CNTNAP4: variants seen among roughly 807,000 people sequenced by gnomAD.
CNTNAP4 encodes contactin associated protein family member 4.
A neutral mutation model predicts 148.4 loss-of-function variants in CNTNAP4; 98 were observed. That is an observed-to-expected ratio of 0.66 (90% CI 0.56 to 0.78). The LOEUF is 0.78. Among genes scored for constraint, CNTNAP4 ranks in the 30% least tolerant of loss-of-function variants. The pLI, the probability that CNTNAP4 is intolerant of heterozygous loss-of-function variation, is 0.00. For synonymous variants in CNTNAP4, 730 were observed against 565.1 expected (o/e 1.29, Z -4.14); for missense variants, 1,935 against 1,565.6 (o/e 1.24, Z -3.98).
rs2083483467 is a variant in CNTNAP4, at chr16:76,522,209, C to A, written c.2707C>A (p.Pro903Thr). ...DQLTPKTQPA[P>T]ADGHVLLQLN... is the part of the protein sequence containing the mutation. ...GCTGACACCAAAGACACAGCCCGCCCCCGCTGATGGGCATGTCCTGTTACA... is the reference window on the plus strand; with the variant it reads ...GCTGACACCAAAGACACAGCCCGCCACCGCTGATGGGCATGTCCTGTTACA... Residue 903 changes from proline to threonine, a missense_variant, in exon 17 of 24, where the codon CCC becomes ACC. Physicochemically the swap from Pro to Thr is conservative, Grantham distance 38. Transcript: ENST00000611870. 6.2e-7 allele frequency: 1 copy of A among 1,613,822 alleles called. No individual in the cohort carries two copies. Among genetic ancestry groups the A allele is most frequent in the African/African-American group, 1.3e-5 (1 of 74,898 alleles).
chr16:76,510,317 A>G (rs890647951), intron 15 of CNTNAP4, among the ~76,000 whole-genome samples: 6 of 152,288 alleles, frequency 3.9e-5, no homozygotes, highest in African/African-American at 1.4e-4. Context: ...GTGTTGTAGA[A>G]TACATCAACG....
chr16:76,535,810 G>A (rs772346372), intron 18 of CNTNAP4, 26 bp downstream of exon 18: 1 of 1,593,192 alleles, frequency 6.3e-7, no homozygotes, highest in Non-Finnish European at 8.6e-7. Flanking sequence ...AAGACTGTAA[G>A]AGGAAAATTT....
At chr16:76,538,434 C>A in intron 19 of CNTNAP4, 94 bp downstream of exon 19, 4 of 957,480 alleles carry the variant, frequency 4.2e-6, no homozygotes, top group Non-Finnish European at 6.4e-6. Flanking sequence ...TCTCAAGCTA[C>A]AAACAGAAAA....
rs367814571 is a variant in CNTNAP4, at chr16:76,494,896, C to A, written c.2081-14C>A. 6.2e-7 allele frequency: 1 copy of A among 1,608,990 alleles called. No individual in the cohort carries two copies. Among genetic ancestry groups the A allele is most frequent in the Non-Finnish European group, 8.5e-7 (1 of 1,177,068 alleles). ...CATAAAACAGATGTCACATTTTTCA[C>A]GTTTTTCTTTCAGATGGAACCCCTC... On this transcript the variant is annotated splice_polypyrimidine_tract_variant and intron_variant, in intron 13 of 23. Transcript: ENST00000611870.
intron 3 of CNTNAP4, among the ~76,000 whole-genome samples, chr16:76,380,370 C>A (rs893932975): frequency 6.6e-6 from 1 of 152,190 alleles, no homozygotes; most frequent in African/African-American, 2.4e-5. Context: ...ATCACATAAT[C>A]AGTCTCTCAG....
chr16:76,529,455 A>G (rs2083879244), intron 17 of CNTNAP4, among the ~76,000 whole-genome samples: 1 of 152,236 alleles, frequency 6.6e-6, no homozygotes, highest in Admixed American at 6.5e-5. Context: ...ATGGAGAGAA[A>G]AGAATCAATC....
intron 8 of CNTNAP4, among the ~76,000 whole-genome samples, chr16:76,459,929 C>G (rs190317038): frequency 6.6e-6 from 1 of 152,220 alleles, no homozygotes; most frequent in South Asian, 2.1e-4. Flanking sequence ...TTAGGAGGGA[C>G]TAGAGATTGC....
At chr16:76,479,391 C>T in intron 11 of CNTNAP4, 28 bp from the exon 12 acceptor site, 2 of 1,551,532 alleles carry the variant, frequency 1.3e-6, no homozygotes, top group Non-Finnish European at 1.7e-6. Flanking sequence ...TCATGCTATT[C>T]CATTAATGAT....
At chr16:76,316,705 C>A (rs995021782) in intron 2 of CNTNAP4, among the ~76,000 whole-genome samples, 182 bp downstream of exon 2, 5 of 152,188 alleles carry the variant, frequency 3.3e-5, no homozygotes, top group Admixed American at 3.3e-4. Context: ...GAAAGGGATA[C>A]ATCCTATATT....
At chr16:76,526,152 C>T (rs1435909156) in intron 17 of CNTNAP4, among the ~76,000 whole-genome samples, 1 of 152,038 alleles carries the variant, frequency 6.6e-6, no homozygotes, top group Non-Finnish European at 1.5e-5. Flanking sequence ...TTAGCAGAGT[C>T]CTCCTAATTT....
rs572193462 is a variant in CNTNAP4, at chr16:76,512,558, G to T, written c.2366-8582G>T. ...TGAAATGGGGGAGATTGCTGCTGGG[G>T]TCAGAGTTGTAGAGAAATATAAAGA... On this transcript the variant is annotated intron_variant, in intron 15 of 23. Coordinates refer to ENST00000611870, the MANE Select transcript of CNTNAP4 (RefSeq NM_033401.5). Among the ~76,000 whole-genome samples the T allele has an allele frequency of 2.3e-4, 35 of 152,256 alleles. No homozygotes were observed. In the South Asian group the frequency reaches 6.6e-3, roughly 29 times the overall value.
intron 2 of CNTNAP4, among the ~76,000 whole-genome samples, chr16:76,332,303 C>G (rs550135109): frequency 2.0e-5 from 3 of 152,236 alleles, no homozygotes; most frequent in East Asian, 1.9e-4. Context: ...TTCTGTTGCC[C>G]AGGCTGGAGT....
chr16:76,489,677 G>A lies in CNTNAP4; in HGVS notation c.1883-9G>A. 8 of 1,505,020 alleles carry A rather than the reference G, an allele frequency of 5.3e-6. No homozygotes were observed. The highest frequency in any genetic ancestry group is 1.3e-5 in the South Asian group (1 of 75,888). The allele number at this position is 1,505,020 out of a possible 1,614,324, so 93.2% of individuals were successfully genotyped here. A position where few individuals can be genotyped will look rare whatever the true frequency, so the allele number is the denominator to read the frequency against. ...CTCCTCTCTTTCTCCCCCCATTTCT[G>A]CATACAAGAAACTGCATGGACCATC... On this transcript the variant is annotated splice_polypyrimidine_tract_variant and intron_variant, in intron 12 of 23. Transcript: ENST00000611870.
rs1456430993 is a variant in CNTNAP4, at chr16:76,427,456, T to G, written c.395T>G (p.Phe132Cys). The G allele has an allele frequency of 6.2e-7, 1 of 1,602,612 alleles. No individual in the cohort carries two copies. The highest frequency in any genetic ancestry group is 8.5e-7 in the Non-Finnish European group (1 of 1,175,720). Residue 132 changes from phenylalanine to cysteine, a missense_variant, in exon 4 of 24, where the codon TTT (phenylalanine) becomes TGT (cysteine). Phe to Cys is a radical substitution (Grantham distance 205). Coordinates refer to ENST00000611870, the MANE Select transcript of CNTNAP4 (RefSeq NM_033401.5). ...QYRQEDSIWG[F>C]SGNANADSVV... ...CTTCTTTCCCTTTTCTTTTAGGGTT[T>G]TTCAGGAAATGCAAATGCAGACAGT...
At chr16:76,479,153 C>G (rs2143652969) in intron 11 of CNTNAP4, among the ~76,000 whole-genome samples, 1 of 152,068 alleles carries the variant, frequency 6.6e-6, no homozygotes, top group East Asian at 1.9e-4. Context: ...GTCAAAGTAG[C>G]TAAATTTTGA....
intron 21 of CNTNAP4, among the ~76,000 whole-genome samples, chr16:76,548,390 C>A (rs985291196): frequency 2.8e-5 from 4 of 140,546 alleles, no homozygotes; most frequent in South Asian, 2.4e-4. Flanking sequence ...ATAGGTAGGA[C>A]ATATAAAGTA....
At position 76,381,013 on chromosome 16, in the gene CNTNAP4, T is replaced by C. The variant is rs553694700; in HGVS notation, c.390+25502T>C. The stretch of plus-strand genomic sequence containing the variant: ...TCCTTTGTCGCCAGGCTCTGCACTT[T>C]CCCAAGTTTTTTCTCCATACCTTTG... On this transcript the variant is annotated intron_variant, in intron 3 of 23. Transcript: ENST00000611870. Among the ~76,000 whole-genome samples the C allele has an allele frequency of 7.0e-4, 107 of 152,354 alleles. 1 individual carries two copies. Among genetic ancestry groups the C allele is most frequent in the African/African-American group, 2.2e-3 (92 of 41,588 alleles).
intron 21 of CNTNAP4, among the ~76,000 whole-genome samples, chr16:76,552,852 C>A (rs190676143): frequency 4.7e-4 from 72 of 152,282 alleles, no homozygotes; most frequent in African/African-American, 1.7e-3. Flanking sequence ...TCAATTTTCT[C>A]TCTAGTTTCT....
intron 1 of CNTNAP4, among the ~76,000 whole-genome samples, chr16:76,308,641 A>G (rs1290818732): frequency 6.6e-6 from 1 of 152,136 alleles, no homozygotes; most frequent in Non-Finnish European, 1.5e-5. Flanking sequence ...GACAGAAATT[A>G]ATTTGCAGCT....
Sources: gnomAD v4.1 joint callset for allele counts (sites outside exome capture counted in the v4.1 genomes callset) on GRCh38, gnomAD v4.1.1 for gene constraint, MANE v1.5 for transcripts, NCBI Gene and HGNC (gene_info 2026-07-23, HGNC 2026-07-21) for gene names.